Variants in CLASP1 observed in about 807,000 individuals in gnomAD.
The protein encoded by CLASP1 is cytoplasmic linker associated protein 1.
CLASP1 carries 38 observed loss-of-function variants against 192.3 expected under a neutral mutation model. That is an observed-to-expected ratio of 0.20 (90% confidence interval 0.15 to 0.26). CLASP1 has a LOEUF of 0.26. Ranked by LOEUF, CLASP1 falls within the 10% of genes least tolerant of loss-of-function variation. CLASP1 has a pLI of 1.00. For synonymous variants in CLASP1, 691 were observed against 712.8 expected (o/e 0.97, Z 0.49); for missense variants, 1,433 against 1,932.5 (o/e 0.74, Z 4.85).
chr2:121,528,006 C>G (rs1575676070), intron 4 of CLASP1, 116 bp from the exon 5 acceptor site: 2 of 687,580 alleles, frequency 2.9e-6, no homozygotes, highest in East Asian at 2.6e-5. Context: ...CATCCTCTAC[C>G]AACACATTTA....
chr2:121,580,695 G>A (rs1016926886), intron 2 of CLASP1, among the ~76,000 whole-genome samples: 7 of 152,102 alleles, frequency 4.6e-5, no homozygotes, highest in African/African-American at 1.7e-4. Context: ...CCTAGTGCTG[G>A]GTAGTTAAGA....
At chr2:121,617,640 C>CA (rs1481609235) in intron 1 of CLASP1, among the ~76,000 whole-genome samples, 3 of 152,166 alleles carry the variant, frequency 2.0e-5, no homozygotes, top group Non-Finnish European at 2.9e-5. Flanking sequence ...AAGTCGATCG[C>CA]CCCTTCCTTC....
chr2:121,342,772 AC>A (rs1378137672), intron 39 of CLASP1, among the ~76,000 whole-genome samples: 2 of 152,156 alleles, frequency 1.3e-5, no homozygotes, highest in South Asian at 2.1e-4. Context: ...CCCTATCTCT[AC>A]AAAAAATTTA....
chr2:121,402,116 T>C lies in CLASP1; in HGVS notation c.2734-246A>G, dbSNP rs914022275. Among the ~76,000 whole-genome samples, 6 of 152,218 alleles carry C rather than the reference T, an allele frequency of 3.9e-5. No individual in the cohort carries two copies. In the East Asian group the frequency reaches 7.7e-4, roughly 20 times the overall value. On this transcript the variant is annotated intron_variant, in intron 26 of 39. Coordinates refer to ENST00000263710, the Ensembl canonical transcript of CLASP1. Reference sequence around the variant, plus strand: ...ACAACAAATCCTCTTGCCCTAATTCTATAGTATTCTTATTCACTATCTAGC... The same window carrying C: ...ACAACAAATCCTCTTGCCCTAATTCCATAGTATTCTTATTCACTATCTAGC...
At chr2:121,613,484 C>T (rs2065941776) in intron 1 of CLASP1, among the ~76,000 whole-genome samples, 1 of 152,190 alleles carries the variant, frequency 6.6e-6, no homozygotes, top group Non-Finnish European at 1.5e-5. Context: ...TAAAAAAAGA[C>T]ATCTTGATGT....
chr2:121,505,779 T>A (rs1032707722), intron 7 of CLASP1, among the ~76,000 whole-genome samples: 9 of 152,180 alleles, frequency 5.9e-5, no homozygotes, highest in African/African-American at 2.4e-5. Flanking sequence ...GAATTTAAAT[T>A]TCCATATTAA....
In CLASP1 at chr2:121,349,016, G is replaced by A. The variant is rs143351028; in HGVS notation, c.4207-298C>T. The stretch of plus-strand genomic sequence containing the variant: ...AGAACTTTGGGAGGCCGAGGTGGGC[G>A]GATCACGAGGTCAGGAGATCGAGAC... On this transcript the variant is annotated intron_variant, in intron 37 of 39. Coordinates refer to ENST00000263710, the Ensembl canonical transcript of CLASP1. Among the ~76,000 whole-genome samples, 24 of 152,114 alleles carry A rather than the reference G, an allele frequency of 1.6e-4. No homozygotes were observed. The East Asian group carries it at 2.9e-3, about 18-fold the overall frequency.
intron 22 of CLASP1, 110 bp from the exon 23 acceptor site, chr2:121,418,839 G>T: frequency 2.6e-6 from 2 of 770,006 alleles, no homozygotes; most frequent in Non-Finnish European, 4.4e-6. Flanking sequence ...CATTGTTCGC[G>T]CTGGGGAGTT....
chr2:121,368,654 A>G (rs1376445639), intron 34 of CLASP1, among the ~76,000 whole-genome samples: 1 of 152,162 alleles, frequency 6.6e-6, no homozygotes, highest in African/African-American at 2.4e-5. Context: ...CAACGGGGAC[A>G]GACTGTTTTC....
intron 4 of CLASP1, 135 bp from the exon 5 acceptor site, chr2:121,528,025 G>A (rs374396403): frequency 8.6e-5 from 53 of 614,620 alleles, no homozygotes; most frequent in Non-Finnish European, 1.1e-4. Context: ...TAATCCTCTC[G>A]AGAGCATACT....
chr2:121,632,853 G>A (rs1163989571), intron 1 of CLASP1, among the ~76,000 whole-genome samples: 6 of 150,564 alleles, frequency 4.0e-5, no homozygotes, highest in African/African-American at 9.8e-5. Flanking sequence ...CCAAGATTGC[G>A]CCATTGCACT....
At chr2:121,476,888 G>A (rs1439176406) in intron 8 of CLASP1, among the ~76,000 whole-genome samples, 2 of 152,138 alleles carry the variant, frequency 1.3e-5, no homozygotes, top group Non-Finnish European at 2.9e-5. Flanking sequence ...GCCCAAAGGC[G>A]GCTGCTTTTC....
intron 20 of CLASP1, among the ~76,000 whole-genome samples, chr2:121,428,274 C>T (rs1273849939): frequency 6.6e-6 from 1 of 152,194 alleles, no homozygotes; most frequent in African/African-American, 2.4e-5. Flanking sequence ...ATTGACCTAG[C>T]TGGGGCAGGG....
intron 20 of CLASP1, 189 bp from the exon 21 acceptor site, chr2:121,427,619 G>T: frequency 3.1e-6 from 2 of 649,326 alleles, no homozygotes; most frequent in Admixed American, 2.6e-5. Context: ...TTCTACATTA[G>T]CATTTATTTC....
intron 8 of CLASP1, among the ~76,000 whole-genome samples, chr2:121,483,419 T>TGA (rs907578816): frequency 9.9e-5 from 15 of 151,692 alleles, no homozygotes; most frequent in Middle Eastern, 3.4e-3. Context: ...AGCAAATATC[T>TGA]GAGAGAGAGA....
At chr2:121,564,759 A>T (rs1361501145) in intron 2 of CLASP1, among the ~76,000 whole-genome samples, 5 of 152,200 alleles carry the variant, frequency 3.3e-5, no homozygotes, top group Non-Finnish European at 2.9e-5. Flanking sequence ...AGCCATCAGC[A>T]AATAAATTTT....
intron 1 of CLASP1, among the ~76,000 whole-genome samples, chr2:121,630,350 G>C (rs983182044): frequency 6.7e-6 from 1 of 150,246 alleles, no homozygotes; most frequent in Non-Finnish European, 1.5e-5. Context: ...GAAAACTACA[G>C]AAAGTTTGGT....
exon 33 of CLASP1, chr2:121,382,307 C>T (rs2149350912): frequency 6.3e-7 from 1 of 1,579,818 alleles, no homozygotes; most frequent in Non-Finnish European, 8.6e-7. Flanking sequence ...CCCGTCGGCA[C>T]TCCAACCCCA....
intron 2 of CLASP1, among the ~76,000 whole-genome samples, chr2:121,600,383 C>T (rs72972745): frequency 0.039 from 5,880 of 152,296 alleles, 163 homozygotes; most frequent in East Asian, 0.14. Context: ...CTGCATTGTA[C>T]AAACAGGTTT....
Sources: gnomAD v4.1 joint callset for allele counts (sites outside exome capture counted in the v4.1 genomes callset) on GRCh38, gnomAD v4.1.1 for gene constraint, MANE v1.5 for transcripts, NCBI Gene and HGNC (gene_info 2026-07-23, HGNC 2026-07-21) for gene names.